Variants in COL13A1 observed in about 807,000 individuals in gnomAD.
The protein encoded by COL13A1 is collagen alpha-1(XIII) chain.
Under a neutral mutation model 130.9 loss-of-function variants are expected in COL13A1, and 89 were observed. The observed-to-expected ratio is 0.68, with a 90% CI of 0.57 to 0.81. The LOEUF is 0.81. Among genes scored for constraint, COL13A1 ranks in the 30% least tolerant of loss-of-function variants. The pLI, the probability that COL13A1 is intolerant of heterozygous loss-of-function variation, is 0.00. For synonymous variants in COL13A1, 402 were observed against 341.6 expected, an observed-to-expected ratio of 1.18 and a Z score of -1.95; for missense variants, 879 against 934.6, an observed-to-expected ratio of 0.94 and a Z score of 0.78.
chr10:69,957,857 T>C (rs2071081101), intron 40 of COL13A1, among the ~76,000 whole-genome samples: 1 of 152,114 alleles, frequency 6.6e-6, no homozygotes, highest in African/African-American at 2.4e-5. Context: ...CCCACCACCA[T>C]TGTCTCAAGG....
intron 23 of COL13A1, 140 bp from the exon 24 acceptor site, chr10:69,923,662 G>C: frequency 9.2e-7 from 1 of 1,089,474 alleles, no homozygotes; most frequent in Non-Finnish European, 1.3e-6. Context: ...GGAGGTGGAA[G>C]AGTGGGAGGT....
At chr10:69,900,168 AC>A (rs2062043223) in intron 14 of COL13A1, among the ~76,000 whole-genome samples, 1 of 151,974 alleles carries the variant, frequency 6.6e-6, no homozygotes, top group Non-Finnish European at 1.5e-5. Context: ...GCTGTGCCGG[AC>A]CCCATTCCAG....
intron 17 of COL13A1, among the ~76,000 whole-genome samples, chr10:69,908,366 G>A (rs1228890921): frequency 2.0e-5 from 3 of 152,138 alleles, no homozygotes; most frequent in Non-Finnish European, 2.9e-5. Context: ...ATCAGCCCCC[G>A]CAGTTGCCTC....
intron 13 of COL13A1, among the ~76,000 whole-genome samples, chr10:69,897,818 G>A (rs1380768841): frequency 6.6e-6 from 1 of 152,186 alleles, no homozygotes; most frequent in Admixed American, 6.5e-5. Context: ...GACAGTATAT[G>A]CCATCTTTGT....
intron 1 of COL13A1, among the ~76,000 whole-genome samples, chr10:69,806,152 G>C (rs1841502388): frequency 6.6e-6 from 1 of 152,238 alleles, no homozygotes; most frequent in African/African-American, 2.4e-5. Context: ...GAGTGCTCAG[G>C]GAGGGCCCTT....
intron 1 of COL13A1, among the ~76,000 whole-genome samples, chr10:69,812,100 G>A (rs143025775): frequency 4.1e-4 from 63 of 152,286 alleles, no homozygotes; most frequent in Non-Finnish European, 8.2e-4. Flanking sequence ...TAATCACGCC[G>A]TCTCCTGATT....
rs561874834 is a variant in COL13A1 at position 69,858,616 on chromosome 10, G to A, written c.365-9182G>A. On this transcript the variant is annotated intron_variant, in intron 2 of 40. Coordinates refer to ENST00000645393, the MANE Select transcript of COL13A1 (RefSeq NM_001368882.1). ...GATGGGCAGTGTCTGGATGGAGTTC[G>A]TGATCAGTCCTCACTGGGGGACTCT... Among the ~76,000 whole-genome samples the A allele has an allele frequency of 4.6e-5, 7 of 152,342 alleles. No individual in the cohort carries two copies. The South Asian group carries it at 1.0e-3, about 23-fold the overall frequency.
intron 2 of COL13A1, among the ~76,000 whole-genome samples, chr10:69,862,115 A>G (rs1444085393): frequency 6.6e-6 from 1 of 152,184 alleles, no homozygotes; most frequent in Non-Finnish European, 1.5e-5. Context: ...CTCTTGCAAG[A>G]CTGCACAAGT....
At chr10:69,852,756 C>A (rs1053335595) in intron 2 of COL13A1, among the ~76,000 whole-genome samples, 1 of 152,214 alleles carries the variant, frequency 6.6e-6, no homozygotes, top group Non-Finnish European at 1.5e-5. Flanking sequence ...TTTTGGGAGA[C>A]CCCAGTGGGC....
Position 69,904,941 on chromosome 10 carries a change from T to C in COL13A1, c.867T>C (p.Pro289=). The C allele has an allele frequency of 6.5e-7, 1 of 1,543,586 alleles. No individual in the cohort carries two copies. Among genetic ancestry groups the C allele is most frequent in the Non-Finnish European group, 8.8e-7 (1 of 1,141,498 alleles). ...LPGPMGPPGL[P]GPPGPKGDPG... ...TTTTTTTGCTTCCACAGGGCTTACC[T>C]GGGCCTCCTGGACCAAAGGTGAGTG... The change falls in exon 16 of 41, where the codon CCT becomes CCC. Residue 289 remains proline (P), a synonymous_variant. Coordinates refer to ENST00000645393, the MANE Select transcript of COL13A1 (RefSeq NM_001368882.1).
chr10:69,824,167 A>G (rs1006746077), intron 2 of COL13A1: 2 of 472,108 alleles, frequency 4.2e-6, no homozygotes, highest in African/African-American at 4.0e-5. Flanking sequence ...GGGACAATAG[A>G]CACCAGCAAG....
At chr10:69,918,162 G>T in intron 18 of COL13A1, 123 bp from the exon 19 acceptor site, 1 of 788,624 alleles carries the variant, frequency 1.3e-6, no homozygotes, top group East Asian at 2.9e-5. Flanking sequence ...TGGTTGCGGG[G>T]TTGGGAGGAG....
intron 2 of COL13A1, among the ~76,000 whole-genome samples, chr10:69,847,320 C>T (rs1486098953): frequency 2.0e-5 from 3 of 152,162 alleles, no homozygotes; most frequent in Non-Finnish European, 4.4e-5. Flanking sequence ...TGCTGTTGAC[C>T]GCCATACCAT....
chr10:69,880,080 A>G (rs2059975851), intron 6 of COL13A1, among the ~76,000 whole-genome samples: 1 of 152,168 alleles, frequency 6.6e-6, no homozygotes, highest in South Asian at 2.1e-4. Context: ...GGAGAGACTC[A>G]GGCCTGGGCA....
chr10:69,901,120 T>C (rs3886895), intron 14 of COL13A1, among the ~76,000 whole-genome samples: 21,866 of 152,216 alleles, frequency 0.14, 2,386 homozygotes, highest in African/African-American at 0.31. Context: ...TGAGGCTTAG[T>C]GAAGCCTTTC....
intron 38 of COL13A1, among the ~76,000 whole-genome samples, chr10:69,951,208 C>T (rs1439379584): frequency 1.3e-5 from 2 of 152,128 alleles, no homozygotes; most frequent in East Asian, 3.9e-4. Flanking sequence ...CCTTCCACTG[C>T]AGGAACAGTG....
intron 14 of COL13A1, among the ~76,000 whole-genome samples, chr10:69,899,613 G>A (rs1047783956): frequency 8.5e-5 from 13 of 152,202 alleles, no homozygotes; most frequent in African/African-American, 2.7e-4. Context: ...AGGGAATGTA[G>A]TCCACAACCC....
At chr10:69,910,022 T>G (rs1366262520) in intron 17 of COL13A1, among the ~76,000 whole-genome samples, 1 of 152,154 alleles carries the variant, frequency 6.6e-6, no homozygotes, top group Non-Finnish European at 1.5e-5. Context: ...GTGCAGAAGT[T>G]GAATATCTGC....
intron 17 of COL13A1, among the ~76,000 whole-genome samples, chr10:69,913,284 G>T (rs543598439): frequency 4.1e-4 from 63 of 152,304 alleles, no homozygotes; most frequent in African/African-American, 1.4e-3. Context: ...GCCCAAGTAA[G>T]GCGGCTGAGA....
Sources: allele counts gnomAD v4.1 joint callset (sites outside exome capture counted in the v4.1 genomes callset), GRCh38; gene constraint gnomAD v4.1.1; transcripts MANE v1.5; gene names NCBI Gene and HGNC (gene_info 2026-07-23, HGNC 2026-07-21).